ADAM22: variants seen among roughly 807,000 people sequenced by gnomAD.
ADAM22 encodes the protein disintegrin and metalloproteinase domain-containing protein 22.
In ADAM22, 65 loss-of-function variants were observed where a neutral mutation model predicts 144.6. That is an observed-to-expected ratio of 0.45 (90% confidence interval 0.37 to 0.55). The LOEUF is 0.55. Among genes scored for constraint, ADAM22 ranks in the 20% least tolerant of loss-of-function variants. ADAM22 has a pLI of 0.00. For synonymous variants in ADAM22, 391 were observed against 412.6 expected (o/e 0.95, Z 0.63); for missense variants, 974 against 1,184.9 (o/e 0.82, Z 2.61).
At chr7:88,135,507 C>G (rs1832808265) in intron 13 of ADAM22, among the ~76,000 whole-genome samples, 1 of 151,894 alleles carries the variant, frequency 6.6e-6, no homozygotes, top group Non-Finnish European at 1.5e-5. Flanking sequence ...GGTTTTGAAC[C>G]CTAGTATTTC....
At chr7:88,186,480 C>G in intron 29 of ADAM22, 135 bp from the exon 30 acceptor site, 1 of 726,528 alleles carries the variant, frequency 1.4e-6, no homozygotes, top group Non-Finnish European at 2.5e-6. Context: ...CATAATCACC[C>G]AACATCCATT....
Position 88,044,003 on chromosome 7 carries a change from T to C in ADAM22, c.324-31623T>C, listed in dbSNP as rs3810881. On this transcript the variant is annotated intron_variant, in intron 3 of 31. Transcript: ENST00000413139. ...TGTGTTATATAAATCAAATCAACTA[T>C]TCTTCTCATTGCTACAGTATGGCAT... Among the ~76,000 whole-genome samples, 761 of 152,356 alleles carry C rather than the reference T, an allele frequency of 5.0e-3. 12 individuals carry two copies. Among genetic ancestry groups the C allele is most frequent in the East Asian group, 0.042 (216 of 5,180 alleles).
At chr7:88,166,360 G>T (rs1187786303) in intron 24 of ADAM22, among the ~76,000 whole-genome samples, 1 of 152,104 alleles carries the variant, frequency 6.6e-6, no homozygotes, top group Non-Finnish European at 1.5e-5. Context: ...GAATCTCATT[G>T]TTGTTCAACC....
chr7:88,047,634 A>G lies in ADAM22; in HGVS notation c.324-27992A>G, dbSNP rs1028382477. On this transcript the variant is annotated intron_variant, in intron 3 of 31. Transcript: ENST00000413139. ...ATTAAAAAATGATTTTTTGTTATGTACCATGAACTGTATGTATTCTGAACA... is the reference window on the plus strand; with the variant it reads ...ATTAAAAAATGATTTTTTGTTATGTGCCATGAACTGTATGTATTCTGAACA... Among the ~76,000 whole-genome samples, 5 of 152,172 alleles carry G rather than the reference A, an allele frequency of 3.3e-5. No individual in the cohort carries two copies. The East Asian group carries it at 9.6e-4, about 29-fold the overall frequency.
intron 15 of ADAM22, 89 bp from the exon 16 acceptor site, chr7:88,145,036 G>C: frequency 9.8e-7 from 1 of 1,021,748 alleles, no homozygotes; most frequent in South Asian, 1.5e-5. Flanking sequence ...TGGCAGGGCA[G>C]GTATATTTGG....
At chr7:87,984,482 G>A (rs555590910) in intron 3 of ADAM22, among the ~76,000 whole-genome samples, 1 of 152,192 alleles carries the variant, frequency 6.6e-6, no homozygotes, top group East Asian at 1.9e-4. Context: ...GATGTATTCA[G>A]GTTTTCTACT....
At chr7:87,991,742 G>A (rs1789953859) in intron 3 of ADAM22, among the ~76,000 whole-genome samples, 1 of 152,164 alleles carries the variant, frequency 6.6e-6, no homozygotes, top group Admixed American at 6.5e-5. Flanking sequence ...ACTTTTGGGA[G>A]GATTGCTTTG....
At chr7:88,133,449 A>T (rs1832292252) in intron 12 of ADAM22, among the ~76,000 whole-genome samples, 2 of 151,980 alleles carry the variant, frequency 1.3e-5, no homozygotes, top group South Asian at 4.1e-4. Flanking sequence ...TGACCAGAGG[A>T]CAGACTGGGG....
intron 30 of ADAM22, among the ~76,000 whole-genome samples, chr7:88,191,091 G>A (rs1849524770): frequency 6.6e-6 from 1 of 152,216 alleles, no homozygotes; most frequent in Non-Finnish European, 1.5e-5. Flanking sequence ...GGTCCAAGGT[G>A]TCAATTAACT....
At chr7:87,986,281 A>C (rs1788461550) in intron 3 of ADAM22, among the ~76,000 whole-genome samples, 1 of 152,172 alleles carries the variant, frequency 6.6e-6, no homozygotes, top group Admixed American at 6.5e-5. Context: ...TTGGAAGGCT[A>C]GTTATAACTT....
chr7:88,133,724 C>T (rs1394438552), intron 12 of ADAM22, among the ~76,000 whole-genome samples: 2 of 151,992 alleles, frequency 1.3e-5, no homozygotes, highest in African/African-American at 2.4e-5. Flanking sequence ...GTAGGTTTTC[C>T]AAAGGGTTTC....
chr7:88,091,107 A>G (rs1050241861), intron 4 of ADAM22, among the ~76,000 whole-genome samples: 1 of 152,172 alleles, frequency 6.6e-6, no homozygotes, highest in Non-Finnish European at 1.5e-5. Flanking sequence ...TGTCCTGTAG[A>G]AAGATTATGC....
At position 88,181,962 on chromosome 7, in the gene ADAM22, C is replaced by A; in HGVS notation, c.2601C>A (p.Asn867Lys). 1.2e-6 allele frequency: 2 copies of A among 1,613,458 alleles called. No individual in the cohort carries two copies. The highest frequency in any genetic ancestry group is 1.7e-6 in the Non-Finnish European group (2 of 1,179,622). Residue 867 changes from asparagine to lysine, a missense_variant, in exon 29 of 32, where the codon AAC (asparagine) becomes AAA (lysine). Physicochemically the swap from Asn to Lys is moderately conservative, Grantham distance 94. Around this residue, in one of 2 missense-constraint regions of ADAM22, gnomAD observed 734 missense variants for 950.6 expected, o/e 0.77. Coordinates refer to ENST00000413139, the MANE Select transcript of ADAM22 (RefSeq NM_001324418.2). Reference protein sequence around the residue: ...GRPRSNSWQGNLGGNKKKIRG... With the variant: ...GRPRSNSWQGKLGGNKKKIRG... The stretch of plus-strand genomic sequence containing the variant: ...GCTCTAAACCGTCTTTTTCAGGTAA[C>A]CTGGGAGGCAACAAAAAGAAAATCA...
intron 3 of ADAM22, among the ~76,000 whole-genome samples, chr7:88,007,721 T>G (rs1239990640): frequency 6.6e-6 from 1 of 152,156 alleles, no homozygotes; most frequent in Non-Finnish European, 1.5e-5. Context: ...ACTGGATCCC[T>G]TCCTTACACC....
intron 4 of ADAM22, among the ~76,000 whole-genome samples, chr7:88,107,229 A>G (rs1319700015): frequency 2.5e-5 from 3 of 120,518 alleles, no homozygotes; most frequent in African/African-American, 6.8e-5. Flanking sequence ...TTTTTGAGAC[A>G]GGGTCTCTAT....
chr7:88,194,599 A>AT (rs1290006589), intron 31 of ADAM22, among the ~76,000 whole-genome samples: 5 of 152,046 alleles, frequency 3.3e-5, no homozygotes, highest in African/African-American at 1.2e-4. Context: ...GCAATTGCTC[A>AT]TTTTTTCTCA....
At chr7:88,163,223 A>C in intron 23 of ADAM22, 43 bp downstream of exon 23, 1 of 1,478,140 alleles carries the variant, frequency 6.8e-7, no homozygotes, top group South Asian at 1.3e-5. Flanking sequence ...CTTTTATATC[A>C]CAGAAATAGA....
chr7:88,137,466 A>G (rs1833280143), intron 14 of ADAM22, among the ~76,000 whole-genome samples: 1 of 152,190 alleles, frequency 6.6e-6, no homozygotes, highest in Non-Finnish European at 1.5e-5. Context: ...CCATAATACT[A>G]CATAGATTTT....
rs1840874911 is a variant in ADAM22 at position 87,935,022 on chromosome 7, G to A, written c.86-4G>A. On this transcript the variant is annotated splice_region_variant and splice_polypyrimidine_tract_variant and intron_variant, in intron 1 of 31. Transcript: ENST00000413139. ...CTCCCTCCTTTCCCGGTTCCTGCCT[G>A]GAGGAGACGCCTCATTGATGGAGCT... is the stretch of plus-strand genomic sequence containing the variant. 1 of 1,614,022 alleles carries A rather than the reference G, an allele frequency of 6.2e-7. No homozygotes were observed. The highest frequency in any genetic ancestry group is 1.7e-5 in the Admixed American group (1 of 60,010).
Sources: allele counts gnomAD v4.1 joint callset (sites outside exome capture counted in the v4.1 genomes callset), GRCh38; gene constraint gnomAD v4.1.1; regional missense constraint gnomAD v4.1.1; transcripts MANE v1.5; gene names NCBI Gene and HGNC (gene_info 2026-07-23, HGNC 2026-07-21).